YWHAH: variants seen among roughly 807,000 people sequenced by gnomAD.
The protein encoded by YWHAH is tyrosine 3-monooxygenase/tryptophan 5-monooxygenase activation protein eta, also known as 14-3-3 protein eta.
In YWHAH, 6 loss-of-function variants were observed where a neutral mutation model predicts 22.9. The ratio of observed to expected loss-of-function variants is 0.26; its 90% CI spans 0.14 to 0.52. The LOEUF (loss-of-function observed/expected upper bound fraction) is 0.52, where lower values mean the gene tolerates loss of function less well. Among genes scored for constraint, YWHAH ranks in the 20% least tolerant of loss-of-function variants. The pLI, the probability that YWHAH is intolerant of heterozygous loss-of-function variation, is 0.97. For missense variants in YWHAH, 173 were observed against 308.6 expected, an observed-to-expected ratio of 0.56 and a Z score of 3.29; for synonymous variants, 135 against 124.5, an observed-to-expected ratio of 1.08 and a Z score of -0.56.
rs1172070147 is a variant in YWHAH, at chr22:31,956,450, C to T, written c.399C>T (p.Tyr133=). The T allele has an allele frequency of 4.3e-6, 7 of 1,614,078 alleles. No individual in the cohort carries two copies. The highest frequency in any genetic ancestry group is 5.9e-6 in the Non-Finnish European group (7 of 1,180,054). ...YLKMKGDYYR[Y]LAEVASGEKK... ...AAATGAAGGGTGATTACTACCGCTA[C>T]TTAGCAGAGGTCGCTTCTGGGGAGA... The change falls in exon 2 of 2, where the codon TAC becomes TAT. Residue 133 remains tyrosine (Y), a synonymous_variant. Coordinates refer to ENST00000248975, the MANE Select transcript of YWHAH (RefSeq NM_003405.4). This position sits in a 1 kb window ranked among gnomAD's most constrained non-coding sequence, Gnocchi z 5.1.
In YWHAH at chr22:31,944,569, G is replaced by A; in HGVS notation, c.-165G>A. On this transcript the variant is annotated 5_prime_UTR_variant, in exon 1 of 2. Transcript: ENST00000248975. Reference sequence around the variant, plus strand: ...GGGGCGAGCCAGCGAGAGGGCGCGAGCGGCGGCGCTGCCTGCAGCCTGCAG... The same window carrying A: ...GGGGCGAGCCAGCGAGAGGGCGCGAACGGCGGCGCTGCCTGCAGCCTGCAG... 1 of 316,928 alleles carries A rather than the reference G, an allele frequency of 3.2e-6. No individual in the cohort carries two copies. The highest frequency in any genetic ancestry group is 4.8e-6 in the Non-Finnish European group (1 of 207,022). The allele number at this position is 316,928 out of a possible 1,614,324, so 19.6% of individuals were successfully genotyped here. A position where few individuals can be genotyped will look rare whatever the true frequency, so the allele number is the denominator to read the frequency against.
rs2093850291 is a variant in YWHAH, at chr22:31,956,910, C to A, written c.*118C>A. 2 of 1,246,668 alleles carry A rather than the reference C, an allele frequency of 1.6e-6. No individual in the cohort carries two copies. The highest frequency in any genetic ancestry group is 2.2e-6 in the Non-Finnish European group (2 of 922,444). The allele number at this position is 1,246,668 out of a possible 1,614,324, so 77.2% of individuals were successfully genotyped here. On this transcript the variant is annotated 3_prime_UTR_variant, in exon 2 of 2. Coordinates refer to ENST00000248975, the MANE Select transcript of YWHAH (RefSeq NM_003405.4). This position sits in a 1 kb window ranked among gnomAD's most constrained non-coding sequence, Gnocchi z 5.1. ...CCTATCTGTATTGGCAGCACAGCTA[C>A]TCAGATCTGCACTCCTGTCTCTTGG... is the stretch of plus-strand genomic sequence containing the variant.
chr22:31,949,873 T>C (rs2149467372), intron 1 of YWHAH, among the ~76,000 whole-genome samples: 1 of 152,292 alleles, frequency 6.6e-6, no homozygotes, highest in East Asian at 1.9e-4. Context: ...ATATTAACCA[T>C]TGTCAGCACT....
intron 1 of YWHAH, among the ~76,000 whole-genome samples, chr22:31,949,067 C>T (rs1459627601): frequency 6.6e-6 from 1 of 150,652 alleles, no homozygotes; most frequent in African/African-American, 2.5e-5. Context: ...AATACGGTTT[C>T]GGAGAGGGTA....
intron 1 of YWHAH, chr22:31,945,510 T>A (rs1457395809): frequency 3.1e-6 from 4 of 1,304,180 alleles, no homozygotes; most frequent in Non-Finnish European, 4.0e-6. Flanking sequence ...GTGAGACGAA[T>A]CTGTGTGTCT....
At chr22:31,945,015 G>T (rs1306777470) in intron 1 of YWHAH, 195 bp downstream of exon 1, 4 of 1,117,726 alleles carry the variant, frequency 3.6e-6, no homozygotes, top group Non-Finnish European at 4.4e-6. Context: ...CTGGGCCCAG[G>T]GTGGGGGATC....
chr22:31,954,736 A>G (rs2093847424), intron 1 of YWHAH, among the ~76,000 whole-genome samples: 1 of 152,192 alleles, frequency 6.6e-6, no homozygotes, highest in East Asian at 1.9e-4. Context: ...CCACTGTCAC[A>G]TGGCATTCTT....
intron 1 of YWHAH, among the ~76,000 whole-genome samples, chr22:31,952,854 C>T (rs117001013): frequency 0.048 from 7,266 of 152,254 alleles, 245 homozygotes; most frequent in Non-Finnish European, 0.075. Context: ...TTTATTGGTG[C>T]ACAGGAAAAA....
At chr22:31,947,210 G>C (rs1235374521) in intron 1 of YWHAH, among the ~76,000 whole-genome samples, 3 of 152,168 alleles carry the variant, frequency 2.0e-5, no homozygotes, top group Non-Finnish European at 2.9e-5. Flanking sequence ...GGGAAGGGCA[G>C]GTAAGTAGCC....
chr22:31,953,557 G>T (rs532901228), intron 1 of YWHAH, among the ~76,000 whole-genome samples: 2 of 152,290 alleles, frequency 1.3e-5, no homozygotes, highest in East Asian at 1.9e-4. Flanking sequence ...TCTATTTTCC[G>T]TAAGAAAATG....
At position 31,944,592 on chromosome 22, in the gene YWHAH, CAGCCT is replaced by C; in HGVS notation, c.-141_-137del. ...GAGCGGCGGCGCTGCCTGCAGCCTG[CAGCCT>C]GCAGCCTCCGGCCGGCCGGCGAGCC... On this transcript the variant is annotated 5_prime_UTR_variant, in exon 1 of 2. Transcript: ENST00000248975. 2.1e-6 allele frequency: 1 copy of C among 479,318 alleles called. No homozygotes were observed. Among genetic ancestry groups the C allele is most frequent in the Non-Finnish European group, 2.9e-6 (1 of 341,852 alleles). 29.7% of individuals were successfully genotyped at this position (479,318 alleles called of 1,614,324 possible).
intron 1 of YWHAH, among the ~76,000 whole-genome samples, chr22:31,950,596 C>T (rs2093841999): frequency 6.6e-6 from 1 of 152,162 alleles, no homozygotes; most frequent in South Asian, 2.1e-4. Flanking sequence ...AAAACAGTCT[C>T]TTGGCTATAC....
intron 1 of YWHAH, among the ~76,000 whole-genome samples, chr22:31,948,290 G>A (rs1292381332): frequency 6.6e-6 from 1 of 152,212 alleles, no homozygotes; most frequent in Non-Finnish European, 1.5e-5. Flanking sequence ...TGGGAAGTGG[G>A]GAAATGAGCA....
chr22:31,946,568 G>T (rs938409306), intron 1 of YWHAH, among the ~76,000 whole-genome samples: 1 of 152,006 alleles, frequency 6.6e-6, no homozygotes, highest in East Asian at 1.9e-4. Flanking sequence ...AATAAATGTG[G>T]TGAAAAGAAA....
chr22:31,944,878 C>G (rs1248695709), intron 1 of YWHAH, 58 bp downstream of exon 1: 3 of 1,225,112 alleles, frequency 2.4e-6, no homozygotes, highest in Non-Finnish European at 3.1e-6. Context: ...TGGGGAGGGA[C>G]GGGGATGGCC....
At chr22:31,955,763 A>G (rs1023159783) in intron 1 of YWHAH, among the ~76,000 whole-genome samples, 1 of 152,122 alleles carries the variant, frequency 6.6e-6, no homozygotes, top group Admixed American at 6.6e-5. Flanking sequence ...TCTTTTGCAG[A>G]ATGGCTGAAG....
intron 1 of YWHAH, among the ~76,000 whole-genome samples, chr22:31,946,533 C>CTGCA (rs1408257481): frequency 2.6e-4 from 39 of 152,064 alleles, no homozygotes; most frequent in Admixed American, 2.6e-3. Context: ...GACGTAAAGA[C>CTGCA]TGCAGTGTTC....
Position 31,957,182 on chromosome 22 carries a change from T to C in YWHAH, c.*390T>C, listed in dbSNP as rs1467133687. 1 of 167,178 alleles carries C rather than the reference T, an allele frequency of 6.0e-6. No homozygotes were observed. Among genetic ancestry groups the C allele is most frequent in the Non-Finnish European group, 1.3e-5 (1 of 76,438 alleles). The allele number at this position is 167,178 out of a possible 1,614,324, so 10.4% of individuals were successfully genotyped here. A position where few individuals can be genotyped will look rare whatever the true frequency, so the allele number is the denominator to read the frequency against. ...TAGTGTTTCGTTAAGCAGTACATCT[T>C]GTGCATGCAAAAATGAATTCACCCC... On this transcript the variant is annotated 3_prime_UTR_variant, in exon 2 of 2. Coordinates refer to ENST00000248975, the MANE Select transcript of YWHAH (RefSeq NM_003405.4).
Position 31,956,889 on chromosome 22 carries a change from TC to T in YWHAH, c.*98del. 1 of 1,401,246 alleles carries T rather than the reference TC, an allele frequency of 7.1e-7. No homozygotes were observed. Among genetic ancestry groups the T allele is most frequent in the Non-Finnish European group, 9.5e-7 (1 of 1,056,756 alleles). The allele number at this position is 1,401,246 out of a possible 1,614,324, so 86.8% of individuals were successfully genotyped here. On this transcript the variant is annotated 3_prime_UTR_variant, in exon 2 of 2. Coordinates refer to ENST00000248975, the MANE Select transcript of YWHAH (RefSeq NM_003405.4). This position sits in a 1 kb window ranked among gnomAD's most constrained non-coding sequence, Gnocchi z 5.1. ...CACTAAATATCTAGTGCTAAACCTA[TC>T]TGTATTGGCAGCACAGCTACTCAGA...
Sources: gnomAD v4.1 joint callset for allele counts (sites outside exome capture counted in the v4.1 genomes callset) on GRCh38, gnomAD v4.1.1 for gene constraint, Gnocchi (gnomAD v3.1) non-coding constraint, MANE v1.5 for transcripts, NCBI Gene and HGNC (gene_info 2026-07-23, HGNC 2026-07-21) for gene names.